Variants in GRM8 observed in about 807,000 individuals in gnomAD.
GRM8 encodes metabotropic glutamate receptor 8.
A neutral mutation model predicts 87.2 loss-of-function variants in GRM8; 47 were observed. The ratio of observed to expected loss-of-function variants is 0.54; its 90% confidence interval spans 0.43 to 0.69. The LOEUF is 0.69. GRM8 is among the 30% of genes least tolerant of loss of function. The probability of loss-of-function intolerance (pLI) is 0.00; values close to 1 mark genes in which losing one functional copy is unlikely to be tolerated. For missense variants in GRM8, 1,019 were observed against 1,139.2 expected, an observed-to-expected ratio of 0.89 and a Z score of 1.52; for synonymous variants, 396 against 404.5, an observed-to-expected ratio of 0.98 and a Z score of 0.25.
intron 3 of GRM8, among the ~76,000 whole-genome samples, chr7:126,931,876 A>G (rs1426373705): frequency 6.6e-6 from 1 of 152,232 alleles, no homozygotes; most frequent in Non-Finnish European, 1.5e-5. Flanking sequence ...TTAATAATTT[A>G]TCATGGTTGC....
chr7:127,047,380 A>T (rs1348462100), intron 3 of GRM8, among the ~76,000 whole-genome samples: 1 of 152,166 alleles, frequency 6.6e-6, no homozygotes, highest in African/African-American at 2.4e-5. Context: ...GCAGGAAAGG[A>T]GGCCAAAGAG....
intron 9 of GRM8, among the ~76,000 whole-genome samples, chr7:126,527,658 C>T (rs574954937): frequency 6.6e-6 from 1 of 152,324 alleles, no homozygotes; most frequent in African/African-American, 2.4e-5. Flanking sequence ...AATTTTATTA[C>T]TAATCTCCAA....
intron 10 of GRM8, among the ~76,000 whole-genome samples, chr7:126,444,405 G>A (rs1007305685): frequency 1.1e-4 from 17 of 152,118 alleles, no homozygotes; most frequent in East Asian, 1.9e-4. Context: ...ACCTTGCTTC[G>A]CATATTTCTT....
chr7:126,474,090 T>C (rs915607745), intron 9 of GRM8, among the ~76,000 whole-genome samples: 2 of 152,310 alleles, frequency 1.3e-5, no homozygotes, highest in East Asian at 1.9e-4. Flanking sequence ...CAATATCTCA[T>C]ACATTTAATT....
chr7:126,802,663 G>A (rs192615944), intron 6 of GRM8, among the ~76,000 whole-genome samples: 110 of 152,214 alleles, frequency 7.2e-4, no homozygotes, highest in African/African-American at 2.4e-3. Context: ...CAGCCTCTTC[G>A]TTTGGCCTTC....
At chr7:126,762,217 A>G (rs1384312609) in intron 7 of GRM8, among the ~76,000 whole-genome samples, 3 of 152,192 alleles carry the variant, frequency 2.0e-5, no homozygotes, top group Non-Finnish European at 4.4e-5. Flanking sequence ...AAAGAAAGAC[A>G]ATAAGAACAC....
At chr7:127,057,263 A>G (rs1251712640) in intron 3 of GRM8, among the ~76,000 whole-genome samples, 1 of 152,244 alleles carries the variant, frequency 6.6e-6, no homozygotes, top group Admixed American at 6.5e-5. Flanking sequence ...TCAGAGGGAA[A>G]AGTTAAGATG....
At chr7:126,821,764 C>CAA (rs548356630) in intron 6 of GRM8, among the ~76,000 whole-genome samples, 1 of 152,148 alleles carries the variant, frequency 6.6e-6, no homozygotes, top group Non-Finnish European at 1.5e-5. Context: ...GTACAATTAT[C>CAA]AAAACTAGGA....
At chr7:126,973,832 T>C (rs1299393959) in intron 3 of GRM8, among the ~76,000 whole-genome samples, 2 of 152,224 alleles carry the variant, frequency 1.3e-5, no homozygotes, top group East Asian at 3.8e-4. Flanking sequence ...ATCTCTCTTA[T>C]ATGTGGAGTC....
At chr7:126,604,127 A>G (rs1285929550) in intron 8 of GRM8, among the ~76,000 whole-genome samples, 1 of 152,064 alleles carries the variant, frequency 6.6e-6, no homozygotes, top group Non-Finnish European at 1.5e-5. Flanking sequence ...GCATGTATAT[A>G]TTTAACTGAT....
In GRM8 at chr7:126,769,309, G is replaced by T. The variant is rs529343408; in HGVS notation, c.1357+556C>A. 2.0e-5 allele frequency among the ~76,000 whole-genome samples: 3 copies of T among 152,114 alleles called. No individual in the cohort carries two copies. In the South Asian group the frequency reaches 6.2e-4, roughly 32 times the overall value. On this transcript the variant is annotated intron_variant, in intron 7 of 10. Coordinates refer to ENST00000339582, the MANE Select transcript of GRM8 (RefSeq NM_000845.3). ...TGGCAGTCACAGAAACAACATTTCT[G>T]CTTTTACAGTATAAAAATCCTGCCT...
At chr7:126,537,201 G>A (rs1024131932) in intron 8 of GRM8, among the ~76,000 whole-genome samples, 1 of 152,096 alleles carries the variant, frequency 6.6e-6, no homozygotes, top group Non-Finnish European at 1.5e-5. Context: ...TAAGCAATAT[G>A]TGTAACATTT....
chr7:127,133,067 T>G (rs143330525), intron 2 of GRM8, among the ~76,000 whole-genome samples: 4 of 152,304 alleles, frequency 2.6e-5, no homozygotes, highest in African/African-American at 9.6e-5. Context: ...TCAAAGCCAG[T>G]AGTGCAAACT....
intron 2 of GRM8, among the ~76,000 whole-genome samples, chr7:127,143,701 C>T (rs1247146265): frequency 6.6e-6 from 1 of 151,988 alleles, no homozygotes; most frequent in African/African-American, 2.4e-5. Context: ...CTGATGGTAT[C>T]CACATTAAGG....
At chr7:127,221,688 T>C (rs1381880454) in intron 2 of GRM8, among the ~76,000 whole-genome samples, 2 of 152,232 alleles carry the variant, frequency 1.3e-5, no homozygotes, top group Non-Finnish European at 2.9e-5. Context: ...GCTCTGCTTC[T>C]AGGGAATCTA....
chr7:126,894,906 T>C (rs1052182838), intron 6 of GRM8, among the ~76,000 whole-genome samples: 7 of 152,056 alleles, frequency 4.6e-5, no homozygotes, highest in African/African-American at 1.4e-4. Flanking sequence ...CTAAATAATC[T>C]CTAAGGACCT....
chr7:126,526,150 T>C (rs1355006798), intron 9 of GRM8, among the ~76,000 whole-genome samples: 2 of 152,172 alleles, frequency 1.3e-5, no homozygotes, highest in Admixed American at 1.3e-4. Context: ...GAGATAAGCA[T>C]CTACTGAAGC....
At chr7:126,457,333 G>A (rs2150506999) in intron 9 of GRM8, among the ~76,000 whole-genome samples, 1 of 151,490 alleles carries the variant, frequency 6.6e-6, no homozygotes, top group African/African-American at 2.4e-5. Flanking sequence ...AGAAAGAAAG[G>A]AGAGATATAA....
At chr7:127,160,101 T>C (rs1793005627) in intron 2 of GRM8, among the ~76,000 whole-genome samples, 1 of 152,176 alleles carries the variant, frequency 6.6e-6, no homozygotes, top group Non-Finnish European at 1.5e-5. Flanking sequence ...AACATACATC[T>C]CTTTCAAGAA....
Sources: allele counts gnomAD v4.1 joint callset (sites outside exome capture counted in the v4.1 genomes callset), GRCh38; gene constraint gnomAD v4.1.1; transcripts MANE v1.5; gene names NCBI Gene and HGNC (gene_info 2026-07-23, HGNC 2026-07-21).